Variants in DYM observed in about 807,000 individuals in gnomAD.
DYM encodes the protein dymeclin.
A neutral mutation model predicts 93.1 loss-of-function variants in DYM; 78 were observed. That is an observed-to-expected ratio of 0.84 (90% CI 0.70 to 1.01). The LOEUF (loss-of-function observed/expected upper bound fraction) is 1.01, where lower values mean the gene tolerates loss of function less well. Ranked by LOEUF, DYM falls within the 50% of genes least tolerant of loss-of-function variation. The pLI, the probability that DYM is intolerant of heterozygous loss-of-function variation, is 0.00. For synonymous variants in DYM, 321 were observed against 319.7 expected, an observed-to-expected ratio of 1.00 and a Z score of -0.04; for missense variants, 789 against 845.0, an observed-to-expected ratio of 0.93 and a Z score of 0.82.
At chr18:49,289,808 T>TAC (rs372719999) in intron 8 of DYM, among the ~76,000 whole-genome samples, 42,212 of 126,582 alleles carry the variant, frequency 0.33, 8,407 homozygotes, top group Non-Finnish European at 0.43. Flanking sequence ...TATATATATA[T>TAC]ACACATATAT....
At chr18:49,283,796 A>G (rs1324020463) in intron 9 of DYM, among the ~76,000 whole-genome samples, 2 of 152,232 alleles carry the variant, frequency 1.3e-5, no homozygotes, top group African/African-American at 2.4e-5. Flanking sequence ...GATGTGTTCC[A>G]ACACAATCCT....
At chr18:49,148,355 A>AT (rs2085402063) in intron 15 of DYM, among the ~76,000 whole-genome samples, 2 of 151,814 alleles carry the variant, frequency 1.3e-5, no homozygotes, top group Non-Finnish European at 1.5e-5. Context: ...TAAAAAAAGA[A>AT]CAAAAAAAAA....
At chr18:49,425,404 TAAA>T (rs2074175803) in intron 2 of DYM, among the ~76,000 whole-genome samples, 1 of 152,180 alleles carries the variant, frequency 6.6e-6, no homozygotes, top group Non-Finnish European at 1.5e-5. Flanking sequence ...CAAGATGGAT[TAAA>T]GACTGACATG....
chr18:49,231,192 T>C (rs1192970442), intron 13 of DYM, among the ~76,000 whole-genome samples: 1 of 152,208 alleles, frequency 6.6e-6, no homozygotes, highest in East Asian at 1.9e-4. Context: ...TATGCGCTTA[T>C]GTATGCATAT....
intron 5 of DYM, among the ~76,000 whole-genome samples, chr18:49,376,359 C>T (rs1568340318): frequency 6.6e-6 from 1 of 152,154 alleles, no homozygotes; most frequent in African/African-American, 2.4e-5. Flanking sequence ...TTTAAATACA[C>T]TCAACCATAT....
At chr18:49,272,545 T>G (rs373007812) in intron 10 of DYM, among the ~76,000 whole-genome samples, 1 of 152,298 alleles carries the variant, frequency 6.6e-6, no homozygotes, top group East Asian at 1.9e-4. Flanking sequence ...ACATAAAGGT[T>G]GGATCTGCAA....
At chr18:49,167,064 C>T (rs1299194572) in intron 14 of DYM, among the ~76,000 whole-genome samples, 1 of 150,022 alleles carries the variant, frequency 6.7e-6, no homozygotes, top group African/African-American at 2.5e-5. Context: ...AGTGCACTAT[C>T]AGAGAACAAT....
chr18:49,080,615 C>T (rs1432265758), intron 17 of DYM, among the ~76,000 whole-genome samples: 1 of 144,784 alleles, frequency 6.9e-6, no homozygotes, highest in Admixed American at 6.8e-5. Flanking sequence ...CCCTCCTGGA[C>T]GGGGCGGCTG....
intron 8 of DYM, among the ~76,000 whole-genome samples, chr18:49,320,379 CATCT>C (rs2062373945): frequency 6.6e-6 from 1 of 152,138 alleles, no homozygotes; most frequent in African/African-American, 2.4e-5. Context: ...TATCTCTATC[CATCT>C]ATCAATCCCT....
intron 13 of DYM, among the ~76,000 whole-genome samples, chr18:49,243,220 A>G (rs1048975155): frequency 6.6e-6 from 1 of 152,160 alleles, no homozygotes; most frequent in African/African-American, 2.4e-5. Flanking sequence ...AGAGCCTGCT[A>G]GACAATAAGC....
At chr18:49,235,458 A>G (rs1256486985) in intron 13 of DYM, among the ~76,000 whole-genome samples, 6 of 90,258 alleles carry the variant, frequency 6.6e-5, no homozygotes, top group Non-Finnish European at 2.0e-4. Context: ...AAGTTGTGAA[A>G]AAAATTTAAA....
At chr18:49,242,902 G>A (rs183718433) in intron 13 of DYM, among the ~76,000 whole-genome samples, 2,222 of 152,110 alleles carry the variant, frequency 0.015, 33 homozygotes, top group Non-Finnish European at 0.021. Flanking sequence ...GGGTTTCACC[G>A]TATTAGCCAG....
intron 2 of DYM, among the ~76,000 whole-genome samples, chr18:49,406,940 C>G (rs2071564117): frequency 6.6e-6 from 1 of 152,168 alleles, no homozygotes; most frequent in South Asian, 2.1e-4. Context: ...TGGTAATGAT[C>G]CAAATGTCCC....
chr18:49,097,120 T>C, intron 17 of DYM: 1 of 490,984 alleles, frequency 2.0e-6, no homozygotes, highest in Non-Finnish European at 3.7e-6. Flanking sequence ...ATGATACTCT[T>C]AAGGCCGAAT....
At chr18:49,283,300 A>G (rs1412945214) in intron 9 of DYM, among the ~76,000 whole-genome samples, 2 of 152,216 alleles carry the variant, frequency 1.3e-5, no homozygotes, top group Non-Finnish European at 2.9e-5. Flanking sequence ...ATTCAACATT[A>G]GGTTCTATAA....
At chr18:49,106,119 T>C (rs923256394) in intron 16 of DYM, among the ~76,000 whole-genome samples, 5 of 152,246 alleles carry the variant, frequency 3.3e-5, no homozygotes, top group African/African-American at 7.2e-5. Flanking sequence ...ATATTTAGGA[T>C]AGTTAGCTCT....
intron 3 of DYM, among the ~76,000 whole-genome samples, chr18:49,386,446 C>T (rs74802616): frequency 6.6e-6 from 1 of 152,170 alleles, no homozygotes; most frequent in Admixed American, 6.5e-5. Flanking sequence ...CCCCTTGATA[C>T]GGTGTGTTGA....
At chr18:49,302,127 GCT>G (rs1380804833) in intron 8 of DYM, among the ~76,000 whole-genome samples, 3 of 152,122 alleles carry the variant, frequency 2.0e-5, no homozygotes, top group African/African-American at 2.4e-5. Context: ...TACAAAAAAA[GCT>G]CTGTTAGCCA....
chr18:49,456,681 T>A (rs2083010489), intron 1 of DYM, among the ~76,000 whole-genome samples: 1 of 152,134 alleles, frequency 6.6e-6, no homozygotes, highest in Non-Finnish European at 1.5e-5. Context: ...AACAAAAACT[T>A]TTACTAAATA....
Sources: allele counts gnomAD v4.1 joint callset (sites outside exome capture counted in the v4.1 genomes callset), GRCh38; gene constraint gnomAD v4.1.1; transcripts MANE v1.5; gene names NCBI Gene and HGNC (gene_info 2026-07-23, HGNC 2026-07-21).